LRFN5: variants seen among roughly 807,000 people sequenced by gnomAD.
LRFN5 encodes leucine rich repeat and fibronectin type III domain containing 5, also known as leucine-rich repeat and fibronectin type-III domain-containing protein 5.
Under a neutral mutation model 45.6 loss-of-function variants are expected in LRFN5, and 24 were observed. That is an observed-to-expected ratio of 0.53 (90% CI 0.38 to 0.74). The LOEUF (loss-of-function observed/expected upper bound fraction) is 0.74, where lower values mean the gene tolerates loss of function less well. Ranked by LOEUF, LRFN5 falls within the 30% of genes least tolerant of loss-of-function variation. LRFN5 has a pLI of 0.00. For synonymous variants in LRFN5, 340 were observed against 313.8 expected (o/e 1.08, Z -0.88); for missense variants, 776 against 861.5 (o/e 0.90, Z 1.24).
intron 1 of LRFN5, among the ~76,000 whole-genome samples, chr14:41,668,587 G>A (rs1326678655): frequency 1.3e-5 from 2 of 152,110 alleles, no homozygotes; most frequent in South Asian, 2.1e-4. Flanking sequence ...TACACATGCT[G>A]TTATGGGTTT....
intron 2 of LRFN5, among the ~76,000 whole-genome samples, chr14:41,868,046 G>A (rs1025285230): frequency 6.6e-6 from 1 of 151,882 alleles, no homozygotes; most frequent in African/African-American, 2.4e-5. Context: ...CCATATGTAT[G>A]TTTTTGTTTT....
At chr14:41,876,277 CTTT>C (rs34291427) in intron 2 of LRFN5, among the ~76,000 whole-genome samples, 42 of 100,600 alleles carry the variant, frequency 4.2e-4, no homozygotes, top group East Asian at 2.7e-3. Context: ...CTTTTTCTTT[CTTT>C]TTTTTTTTTT....
intron 2 of LRFN5, among the ~76,000 whole-genome samples, chr14:41,884,221 A>G (rs1324558732): frequency 2.0e-5 from 3 of 152,192 alleles, no homozygotes; most frequent in African/African-American, 7.2e-5. Context: ...ATTAATTTTT[A>G]ACTCACTATC....
intron 2 of LRFN5, among the ~76,000 whole-genome samples, chr14:41,782,073 A>C (rs982550429): frequency 6.6e-6 from 1 of 151,750 alleles, no homozygotes; most frequent in African/African-American, 2.4e-5. Context: ...TCTTTAATTT[A>C]AAAAAAATTA....
chr14:41,671,643 G>A (rs1214410337), intron 1 of LRFN5, among the ~76,000 whole-genome samples: 2 of 31,676 alleles, frequency 6.3e-5, no homozygotes, highest in African/African-American at 4.9e-4. Context: ...TTTTTACGGA[G>A]TTTCCTCTTA....
At chr14:41,723,793 C>T (rs760370378) in intron 1 of LRFN5, among the ~76,000 whole-genome samples, 1 of 152,180 alleles carries the variant, frequency 6.6e-6, no homozygotes, top group Non-Finnish European at 1.5e-5. Context: ...CCCTACCCTA[C>T]TCCAGAGTAA....
rs985482932 is a variant in LRFN5, at chr14:41,607,939, G to A, written c.-820G>A. On this transcript the variant is annotated 5_prime_UTR_variant, in exon 1 of 6. Transcript: ENST00000298119. The stretch of plus-strand genomic sequence containing the variant: ...TACAAAACAAAACAAAACAAATAAG[G>A]TAATGAGGATTGCTTATTAAACTGC... The A allele has an allele frequency of 1.3e-5, 2 of 152,134 alleles. No homozygotes were observed. Among genetic ancestry groups the A allele is most frequent in the African/African-American group, 4.8e-5 (2 of 41,418 alleles). The allele number at this position is 152,134 out of a possible 1,614,324, so 9.4% of individuals were successfully genotyped here. A position where few individuals can be genotyped will look rare whatever the true frequency, so the allele number is the denominator to read the frequency against.
intron 1 of LRFN5, among the ~76,000 whole-genome samples, chr14:41,654,726 C>A (rs1361663002): frequency 6.6e-6 from 1 of 152,006 alleles, no homozygotes; most frequent in Non-Finnish European, 1.5e-5. Context: ...AAATGTAGAT[C>A]TTTGGTGTTC....
At chr14:41,814,399 T>C (rs1484679146) in intron 2 of LRFN5, among the ~76,000 whole-genome samples, 1 of 152,160 alleles carries the variant, frequency 6.6e-6, no homozygotes, top group Non-Finnish European at 1.5e-5. Context: ...GAACAATAGG[T>C]TTAATTAAGG....
At chr14:41,673,701 G>T (rs528911555) in intron 1 of LRFN5, among the ~76,000 whole-genome samples, 1 of 144,254 alleles carries the variant, frequency 6.9e-6, no homozygotes, top group Non-Finnish European at 1.5e-5. Flanking sequence ...CCTGGATGGG[G>T]TGGCTGGCCG....
intron 1 of LRFN5, among the ~76,000 whole-genome samples, chr14:41,681,601 G>A (rs8007820): frequency 0.52 from 79,112 of 151,612 alleles, 22,207 homozygotes; most frequent in East Asian, 0.96. Context: ...AAAGCCAAGG[G>A]ATTTCATAAA....
chr14:41,832,267 T>C (rs1421194387), intron 2 of LRFN5, among the ~76,000 whole-genome samples: 3 of 152,164 alleles, frequency 2.0e-5, no homozygotes, highest in African/African-American at 4.8e-5. Context: ...TAGTGTTGCC[T>C]GTATTGGGTT....
At chr14:41,644,334 A>T (rs1201708931) in intron 1 of LRFN5, among the ~76,000 whole-genome samples, 1 of 152,234 alleles carries the variant, frequency 6.6e-6, no homozygotes, top group Non-Finnish European at 1.5e-5. Context: ...AATTTATTAG[A>T]TAATGTCTTA....
intron 1 of LRFN5, among the ~76,000 whole-genome samples, chr14:41,710,892 A>C (rs1420934203): frequency 6.6e-6 from 1 of 152,064 alleles, no homozygotes; most frequent in Non-Finnish European, 1.5e-5. Flanking sequence ...TCCTTGCGAC[A>C]GAATGATGGT....
intron 2 of LRFN5, among the ~76,000 whole-genome samples, chr14:41,871,084 T>G (rs1890003619): frequency 6.6e-6 from 1 of 152,006 alleles, no homozygotes; most frequent in African/African-American, 2.4e-5. Context: ...AATAAGTGCT[T>G]TTAAAAACTA....
chr14:41,846,011 G>A (rs1385161305), intron 2 of LRFN5, among the ~76,000 whole-genome samples: 1 of 152,056 alleles, frequency 6.6e-6, no homozygotes, highest in Non-Finnish European at 1.5e-5. Context: ...CCATTTCAGA[G>A]CCCCTTCCAT....
At position 41,856,675 on chromosome 14, in the gene LRFN5, A is replaced by ATTATTATTATTTTTTTTTT; in HGVS notation, c.-20-29929_-20-29928insATTATTATTTTTTTTTTTT. On this transcript the variant is annotated intron_variant, in intron 2 of 5. Transcript: ENST00000298119. ...TTCTTTCCTAATTATTATTATTATT[A>ATTATTATTATTTTTTTTTT]TTTTTTTTTTTTTTTTTTTGAGACG... Among the ~76,000 whole-genome samples the ATTATTATTATTTTTTTTTT allele has an allele frequency of 6.8e-3, 124 of 18,332 alleles. 2 individuals are homozygous for ATTATTATTATTTTTTTTTT. The highest frequency in any genetic ancestry group is 0.012 in the Non-Finnish European group (95 of 7,820). 12.0% of individuals were successfully genotyped at this position (18,332 alleles called of 152,430 possible). A position where few individuals can be genotyped will look rare whatever the true frequency, so the allele number is the denominator to read the frequency against.
At chr14:41,793,239 C>T (rs776516261) in intron 2 of LRFN5, among the ~76,000 whole-genome samples, 14 of 152,094 alleles carry the variant, frequency 9.2e-5, no homozygotes, top group African/African-American at 2.4e-4. Context: ...GGGCTCCAGC[C>T]GGTCCCTCCG....
intron 1 of LRFN5, among the ~76,000 whole-genome samples, chr14:41,673,485 G>T (rs1445921866): frequency 2.7e-5 from 4 of 146,772 alleles, no homozygotes; most frequent in East Asian, 2.1e-4. Flanking sequence ...GCGGCTGGCC[G>T]GGCAGAGGGG....
Sources: allele counts gnomAD v4.1 joint callset (sites outside exome capture counted in the v4.1 genomes callset), GRCh38; gene constraint gnomAD v4.1.1; transcripts MANE v1.5; gene names NCBI Gene and HGNC (gene_info 2026-07-23, HGNC 2026-07-21).